The following WDR37 variants were observed in gnomAD, a reference collection of about 807,000 sequenced individuals.
The protein encoded by WDR37 is WD repeat domain 37, also known as WD repeat-containing protein 37.
A neutral mutation model predicts 62.9 loss-of-function variants in WDR37; 19 were observed. The observed-to-expected ratio is 0.30, with a 90% CI of 0.21 to 0.44. The LOEUF is 0.44. WDR37 is among the 20% of genes least tolerant of loss of function. The pLI, the probability that WDR37 is intolerant of heterozygous loss-of-function variation, is 1.00. For synonymous variants in WDR37, 250 were observed against 260.9 expected (o/e 0.96, Z 0.40); for missense variants, 474 against 657.6 (o/e 0.72, Z 3.05).
Position 1,105,326 on chromosome 10 carries a change from A to G in WDR37, c.1103+59A>G. 4 of 1,553,654 alleles carry G rather than the reference A, an allele frequency of 2.6e-6. No individual in the cohort carries two copies. In the African/African-American group the frequency reaches 4.1e-5, roughly 16 times the overall value. On this transcript the variant is annotated intron_variant, in intron 11 of 13. Coordinates refer to ENST00000263150, the MANE Select transcript of WDR37 (RefSeq NM_014023.4). The surrounding 1 kb of genome is among the most constrained non-coding windows in gnomAD (Gnocchi z 5.3). ...TCATGAAAAAGTTCTGTGGGTTGAC[A>G]TGAAAACTTAATTCTAGCCTTAATT...
intron 9 of WDR37, among the ~76,000 whole-genome samples, chr10:1,100,474 C>T (rs1380572571): frequency 6.6e-6 from 1 of 152,232 alleles, no homozygotes; most frequent in Non-Finnish European, 1.5e-5. Flanking sequence ...CTCTGATTTG[C>T]TTAGCAGTTC....
chr10:1,120,821 C>A (rs756471220), intron 11 of WDR37, among the ~76,000 whole-genome samples: 1 of 152,244 alleles, frequency 6.6e-6, no homozygotes, highest in Non-Finnish European at 1.5e-5. Flanking sequence ...AGTGAAATTT[C>A]GGCAGATTGT....
chr10:1,100,444 C>G (rs992571084), intron 9 of WDR37, among the ~76,000 whole-genome samples: 1 of 152,218 alleles, frequency 6.6e-6, no homozygotes, highest in Non-Finnish European at 1.5e-5. Flanking sequence ...TTTTCTGAAG[C>G]TTTTGCCGGC....
intron 13 of WDR37, among the ~76,000 whole-genome samples, chr10:1,127,435 G>A (rs1835824710): frequency 6.6e-6 from 1 of 151,974 alleles, no homozygotes; most frequent in Non-Finnish European, 1.5e-5. Context: ...GTGGTTTTCA[G>A]TGTCACAGAA....
rs138648579 is a variant in WDR37, at chr10:1,103,511, T to G, written c.727-91T>G. 9.2e-4 allele frequency: 1,243 copies of G among 1,353,554 alleles called. 15 individuals are homozygous for G. In the African/African-American group the frequency reaches 0.016, roughly 17 times the overall value. The allele number at this position is 1,353,554 out of a possible 1,614,324, so 83.8% of individuals were successfully genotyped here. On this transcript the variant is annotated intron_variant, in intron 9 of 13. Coordinates refer to ENST00000263150, the MANE Select transcript of WDR37 (RefSeq NM_014023.4). The surrounding 1 kb of genome is among the most constrained non-coding windows in gnomAD (Gnocchi z 6.3). Reference sequence around the variant, plus strand: ...CATGATGGATATGTCCTCAAGAGATTAATGAGAACCATCTATTTTGTAGCT... The same window carrying G: ...CATGATGGATATGTCCTCAAGAGATGAATGAGAACCATCTATTTTGTAGCT...
Position 1,116,455 on chromosome 10 carries a change from C to T in WDR37, c.1104-7763C>T, listed in dbSNP as rs1158288557. Among the ~76,000 whole-genome samples the T allele has an allele frequency of 2.0e-5, 3 of 152,370 alleles. No individual in the cohort carries two copies. The East Asian group carries it at 5.8e-4, about 29-fold the overall frequency. On this transcript the variant is annotated intron_variant, in intron 11 of 13. Transcript: ENST00000263150. ...TCCCACTTGCCAAGGAGGACACACGCTCTTTGTCTTTCAGTGTTTGCATTG... is the reference window on the plus strand; with the variant it reads ...TCCCACTTGCCAAGGAGGACACACGTTCTTTGTCTTTCAGTGTTTGCATTG...
At chr10:1,127,606 T>C (rs1342022615) in intron 13 of WDR37, among the ~76,000 whole-genome samples, 1 of 151,998 alleles carries the variant, frequency 6.6e-6, no homozygotes, top group Admixed American at 6.5e-5. Context: ...CTTCCCAGCA[T>C]GAGTTTTGGG....
chr10:1,107,413 G>A (rs1167374191), intron 11 of WDR37, among the ~76,000 whole-genome samples: 1 of 152,266 alleles, frequency 6.6e-6, no homozygotes, highest in East Asian at 1.9e-4. Flanking sequence ...TCACTCCTGC[G>A]CCTGCAGTGC....
At chr10:1,075,140 T>C (rs947111072) in intron 2 of WDR37, among the ~76,000 whole-genome samples, 1 of 152,212 alleles carries the variant, frequency 6.6e-6, no homozygotes, top group Non-Finnish European at 1.5e-5. Context: ...TTGAAAGTCA[T>C]TTTGTAAGCG....
intron 7 of WDR37, among the ~76,000 whole-genome samples, chr10:1,089,016 C>T (rs561556008): frequency 3.3e-5 from 5 of 152,200 alleles, no homozygotes; most frequent in East Asian, 1.9e-4. Flanking sequence ...GGTTGGTGGC[C>T]GGTGGGTTTC....
In WDR37 at chr10:1,072,248, G is replaced by T; in HGVS notation, c.93G>T (p.Ser31=). 6.2e-7 allele frequency: 1 copy of T among 1,614,166 alleles called. No individual in the cohort carries two copies. Among genetic ancestry groups the T allele is most frequent in the Admixed American group, 1.7e-5 (1 of 60,014 alleles). The change falls in exon 2 of 14, where the codon TCG becomes TCT. Residue 31 remains serine, a synonymous_variant. Coordinates refer to ENST00000263150, the MANE Select transcript of WDR37 (RefSeq NM_014023.4). ...HSLSIRRTNS[S]EQERTGLPRD... is the part of the protein sequence containing the mutation. ...TTTCTATACGAAGAACTAACAGCTC[G>T]GAGCAGGAGAGGACGGGACTGCCAA... is the stretch of plus-strand genomic sequence containing the variant.
intron 2 of WDR37, among the ~76,000 whole-genome samples, chr10:1,076,045 G>GC (rs897827349): frequency 5.3e-5 from 8 of 152,178 alleles, no homozygotes; most frequent in African/African-American, 1.9e-4. Flanking sequence ...CTCCCAAAGT[G>GC]CTGGGATTAC....
chr10:1,116,584 TTAA>T (rs1835409123), intron 11 of WDR37, among the ~76,000 whole-genome samples: 3 of 152,236 alleles, frequency 2.0e-5, no homozygotes, highest in Non-Finnish European at 2.9e-5. Context: ...AATACAACTC[TTAA>T]TAATAACTGG....
At chr10:1,083,148 T>C (rs1481943878) in intron 5 of WDR37, among the ~76,000 whole-genome samples, 1 of 152,234 alleles carries the variant, frequency 6.6e-6, no homozygotes, top group Admixed American at 6.5e-5. Context: ...AATGACACTT[T>C]CTGTAAGCAA....
intron 1 of WDR37, among the ~76,000 whole-genome samples, chr10:1,059,809 T>C (rs568098022): frequency 4.6e-4 from 70 of 152,164 alleles, no homozygotes; most frequent in African/African-American, 1.5e-3. Flanking sequence ...AAAATATATA[T>C]ATAAAAGAAT....
At chr10:1,074,388 C>A in intron 2 of WDR37, 1 of 1,294,764 alleles carries the variant, frequency 7.7e-7, no homozygotes, top group Non-Finnish European at 1.0e-6. Context: ...TCAGAGGTCT[C>A]CAAGCCGCAC....
intron 1 of WDR37, among the ~76,000 whole-genome samples, chr10:1,069,389 A>ATATATATATATTTTTTTTTTTTTTTTT: frequency 2.1e-5 from 2 of 95,780 alleles, no homozygotes; most frequent in African/African-American, 9.4e-5. Context: ...ATATATATAT[A>ATATATATATATTTTTTTTTTTTTTTTT]TTTTTTTTTT....
At chr10:1,109,697 G>A (rs1482110560) in intron 11 of WDR37, among the ~76,000 whole-genome samples, 5 of 152,042 alleles carry the variant, frequency 3.3e-5, no homozygotes, top group Admixed American at 2.6e-4. Flanking sequence ...GGCAATGAGC[G>A]AAACTCCAAA....
chr10:1,117,439 C>G (rs534652260), intron 11 of WDR37, among the ~76,000 whole-genome samples: 466 of 152,264 alleles, frequency 3.1e-3, no homozygotes, highest in East Asian at 5.4e-3. Context: ...CTGTTTTACC[C>G]TTTTAAAGTT....
Sources: gnomAD v4.1 joint callset for allele counts (sites outside exome capture counted in the v4.1 genomes callset) on GRCh38, gnomAD v4.1.1 for gene constraint, Gnocchi (gnomAD v3.1) non-coding constraint, MANE v1.5 for transcripts, NCBI Gene and HGNC (gene_info 2026-07-23, HGNC 2026-07-21) for gene names.